The following KIF16B variants were observed in gnomAD, a reference collection of about 807,000 sequenced individuals.
The protein encoded by KIF16B is kinesin family member 16B.
KIF16B carries 98 observed loss-of-function variants against 156.3 expected under a neutral mutation model. The observed-to-expected ratio is 0.63, with a 90% CI of 0.53 to 0.74. The LOEUF is 0.74. Ranked by LOEUF, KIF16B falls within the 30% of genes least tolerant of loss-of-function variation. The probability of loss-of-function intolerance (pLI) is 0.00; values close to 1 mark genes in which losing one functional copy is unlikely to be tolerated. For missense variants in KIF16B, 1,421 were observed against 1,606.5 expected (o/e 0.88, Z 1.97); for synonymous variants, 564 against 583.7 (o/e 0.97, Z 0.49).
intron 2 of KIF16B, 104 bp downstream of exon 2, chr20:16,528,267 A>T: frequency 1.2e-6 from 1 of 837,452 alleles, no homozygotes; most frequent in Non-Finnish European, 2.0e-6. Flanking sequence ...ACTGGAAAGG[A>T]GGGTGTGGAA....
intron 15 of KIF16B, among the ~76,000 whole-genome samples, chr20:16,424,672 G>A (rs547865613): frequency 1.3e-5 from 2 of 152,244 alleles, no homozygotes; most frequent in South Asian, 4.1e-4. Context: ...ATCAGCATGA[G>A]AGTGGAGGCA....
intron 12 of KIF16B, among the ~76,000 whole-genome samples, chr20:16,433,512 T>C (rs908419289): frequency 6.6e-6 from 1 of 152,086 alleles, no homozygotes; most frequent in African/African-American, 2.4e-5. Context: ...TGAAAGGCAT[T>C]GGAAATTCAT....
Position 16,378,837 on chromosome 20 carries a change from A to T in KIF16B, c.3165T>A (p.Ala1055=). The change falls in exon 19 of 26, where the codon GCT becomes GCA. Residue 1055 remains alanine (A), a synonymous_variant. Transcript: ENST00000354981. ...EQSGLQASLE[A]EQEALEKDQE... is the part of the protein sequence containing the mutation. Reference sequence around the variant, plus strand: ...GGTCCTTCTCCAGGGCTTCCTGCTCAGCCTCCAGGCTAGCCTGGAGCCCTG... The same window carrying T: ...GGTCCTTCTCCAGGGCTTCCTGCTCTGCCTCCAGGCTAGCCTGGAGCCCTG... The T allele has an allele frequency of 6.2e-7, 1 of 1,611,816 alleles. No individual in the cohort carries two copies. The highest frequency in any genetic ancestry group is 2.2e-5 in the East Asian group (1 of 44,832).
intron 12 of KIF16B, among the ~76,000 whole-genome samples, chr20:16,431,763 T>A (rs2066506076): frequency 3.3e-5 from 5 of 151,652 alleles, no homozygotes; most frequent in Admixed American, 3.3e-4. Context: ...TTCCTTCAGG[T>A]CTCTGCTCAA....
At chr20:16,470,733 G>A (rs1264871706) in intron 12 of KIF16B, among the ~76,000 whole-genome samples, 1 of 151,284 alleles carries the variant, frequency 6.6e-6, no homozygotes, top group African/African-American at 2.4e-5. Context: ...CTGGGCTCGA[G>A]CAATCGGCCC....
At chr20:16,364,877 G>A (rs1307671087) in intron 22 of KIF16B, among the ~76,000 whole-genome samples, 1 of 152,124 alleles carries the variant, frequency 6.6e-6, no homozygotes, top group Non-Finnish European at 1.5e-5. Context: ...TACGATGCTC[G>A]TATCTGCTGC....
chr20:16,568,151 A>T (rs1179876791), intron 1 of KIF16B, among the ~76,000 whole-genome samples: 3 of 152,104 alleles, frequency 2.0e-5, no homozygotes, highest in Non-Finnish European at 2.9e-5. Flanking sequence ...GCAAAATGCC[A>T]CTGGTGGTTT....
At chr20:16,371,872 C>T (rs755303332) in intron 20 of KIF16B, 111 bp from the exon 21 acceptor site, 9 of 675,508 alleles carry the variant, frequency 1.3e-5, no homozygotes, top group Non-Finnish European at 2.6e-6. Flanking sequence ...CTTCTAAATA[C>T]CAAACCTAAC....
chr20:16,539,432 T>C (rs2070108665), intron 1 of KIF16B, among the ~76,000 whole-genome samples: 3 of 152,224 alleles, frequency 2.0e-5, no homozygotes, highest in Admixed American at 1.3e-4. Context: ...ATTGTGTCCA[T>C]GCCCTAGAGA....
chr20:16,395,386 A>C (rs1328187907), intron 17 of KIF16B, among the ~76,000 whole-genome samples: 2 of 140,240 alleles, frequency 1.4e-5, no homozygotes, highest in East Asian at 4.3e-4. Flanking sequence ...GGGGAGGCCA[A>C]GGGAGAAGAT....
intron 1 of KIF16B, among the ~76,000 whole-genome samples, chr20:16,544,357 C>A (rs6044101): frequency 0.037 from 5,596 of 152,216 alleles, 149 homozygotes; most frequent in Middle Eastern, 0.078. Flanking sequence ...CGCCTGTAAT[C>A]CCAGCACTTT....
At chr20:16,355,026 G>GTT (rs60329513) in intron 23 of KIF16B, among the ~76,000 whole-genome samples, 10 of 147,212 alleles carry the variant, frequency 6.8e-5, no homozygotes, top group African/African-American at 7.4e-5. Context: ...CTGATGCCCT[G>GTT]TTTTTTTTTT....
chr20:16,295,269 G>A (rs1363027912), intron 25 of KIF16B, among the ~76,000 whole-genome samples: 1 of 152,166 alleles, frequency 6.6e-6, no homozygotes, highest in Non-Finnish European at 1.5e-5. Flanking sequence ...CTGCTGGCCT[G>A]AGGTCTGTGG....
In KIF16B at chr20:16,504,426, A is replaced by G. The variant is rs2068715517; in HGVS notation, c.1122T>C (p.Arg374=). 1 of 1,614,148 alleles carries G rather than the reference A, an allele frequency of 6.2e-7. No individual in the cohort carries two copies. The highest frequency in any genetic ancestry group is 1.3e-5 in the African/African-American group (1 of 75,050). ...GTCTGGCTATTTCAGCTCGCAGCTC[A>G]CGGATAAGTTTGACGTTGGCATCCT... is the stretch of plus-strand genomic sequence containing the variant. The part of the protein sequence containing the change: ...INEDANVKLI[R]ELRAEIARLK... Residue 374 remains arginine, a synonymous_variant, in exon 10 of 26, where the codon CGT becomes CGC. Coordinates refer to ENST00000354981, the MANE Select transcript of KIF16B (RefSeq NM_024704.5).
chr20:16,426,560 T>G (rs1263909508), intron 15 of KIF16B, among the ~76,000 whole-genome samples: 1 of 152,150 alleles, frequency 6.6e-6, no homozygotes, highest in Admixed American at 6.6e-5. Flanking sequence ...TGTCCTAATG[T>G]AGATGTCAGT....
At chr20:16,573,119 G>T in intron 1 of KIF16B, 110 bp downstream of exon 1, 1 of 1,104,968 alleles carries the variant, frequency 9.1e-7, no homozygotes, top group South Asian at 1.4e-5. Flanking sequence ...GGTGGGCCAG[G>T]GACCAGCCGG....
At chr20:16,290,332 A>G (rs2122474603) in intron 25 of KIF16B, among the ~76,000 whole-genome samples, 1 of 152,308 alleles carries the variant, frequency 6.6e-6, no homozygotes, top group East Asian at 1.9e-4. Context: ...CATCGAGAAC[A>G]CTCAATGACT....
intron 12 of KIF16B, among the ~76,000 whole-genome samples, chr20:16,474,050 C>T (rs903528928): frequency 2.6e-5 from 4 of 152,182 alleles, no homozygotes; most frequent in African/African-American, 9.6e-5. Context: ...CCCAAAAGCT[C>T]CACCTCCTCA....
chr20:16,557,134 A>G (rs1330221806), intron 1 of KIF16B, among the ~76,000 whole-genome samples: 1 of 135,724 alleles, frequency 7.4e-6, no homozygotes, highest in Non-Finnish European at 1.5e-5. Context: ...CATTAATACT[A>G]TATATATTAA....
Sources: gnomAD v4.1 joint callset for allele counts (sites outside exome capture counted in the v4.1 genomes callset) on GRCh38, gnomAD v4.1.1 for gene constraint, MANE v1.5 for transcripts, NCBI Gene and HGNC (gene_info 2026-07-23, HGNC 2026-07-21) for gene names.